The following COP1 variants were observed in gnomAD, a reference collection of about 807,000 sequenced individuals.
The protein encoded by COP1 is COP1 E3 ubiquitin ligase, also known as E3 ubiquitin-protein ligase COP1.
Under a neutral mutation model 101.3 loss-of-function variants are expected in COP1, and 24 were observed. That is an observed-to-expected ratio of 0.24 (90% CI 0.17 to 0.33). The LOEUF is 0.33. Among genes scored for constraint, COP1 ranks in the 10% least tolerant of loss-of-function variants. COP1 has a pLI of 1.00. For synonymous variants in COP1, 347 were observed against 341.9 expected (o/e 1.01, Z -0.17); for missense variants, 663 against 906.2 (o/e 0.73, Z 3.45).
intron 1 of COP1, among the ~76,000 whole-genome samples, chr1:176,196,953 G>A (rs1213214033): frequency 6.6e-6 from 1 of 151,012 alleles, no homozygotes; most frequent in Non-Finnish European, 1.5e-5. Context: ...AGGGAGGGAG[G>A]GAGGGAAAGA....
intron 11 of COP1, among the ~76,000 whole-genome samples, chr1:176,061,952 A>C (rs1378317907): frequency 1.3e-5 from 2 of 152,324 alleles, no homozygotes; most frequent in East Asian, 3.9e-4. Context: ...ACTTATATCC[A>C]TAATATAAAA....
chr1:176,145,710 T>C lies in COP1; in HGVS notation c.831+3296A>G, dbSNP rs561353759. 7.9e-5 allele frequency among the ~76,000 whole-genome samples: 12 copies of C among 152,212 alleles called. No individual in the cohort carries two copies. In the South Asian group the frequency reaches 2.5e-3, roughly 32 times the overall value. On this transcript the variant is annotated intron_variant, in intron 6 of 19. Coordinates refer to ENST00000367669, the MANE Select transcript of COP1 (RefSeq NM_022457.7). ...ACAACCATGTGGATGAATCTTAACATTCAGCCGAAGAAGATAGGAATAAAA... is the reference window on the plus strand; with the variant it reads ...ACAACCATGTGGATGAATCTTAACACTCAGCCGAAGAAGATAGGAATAAAA...
At chr1:176,048,128 C>T (rs560575754) in intron 11 of COP1, among the ~76,000 whole-genome samples, 10 of 151,900 alleles carry the variant, frequency 6.6e-5, no homozygotes, top group African/African-American at 1.4e-4. Flanking sequence ...CACATTGATA[C>T]GCCCACTTTT....
intron 15 of COP1, among the ~76,000 whole-genome samples, chr1:176,025,874 G>C (rs747884349): frequency 2.6e-5 from 4 of 151,412 alleles, no homozygotes; most frequent in Non-Finnish European, 5.9e-5. Context: ...GGGTGACCCT[G>C]TCTCATAAAA....
At chr1:175,996,796 T>C (rs1198178203) in intron 15 of COP1, among the ~76,000 whole-genome samples, 2 of 152,088 alleles carry the variant, frequency 1.3e-5, no homozygotes, top group African/African-American at 4.8e-5. Flanking sequence ...GTAGGAAGAA[T>C]CAATATCCTG....
At chr1:176,144,846 C>A (rs1455251014) in intron 6 of COP1, among the ~76,000 whole-genome samples, 1 of 152,088 alleles carries the variant, frequency 6.6e-6, no homozygotes, top group African/African-American at 2.4e-5. Flanking sequence ...CTATACCTCA[C>A]ATTATACACA....
intron 8 of COP1, among the ~76,000 whole-genome samples, chr1:176,130,652 C>T (rs1354936000): frequency 6.6e-6 from 1 of 151,736 alleles, no homozygotes; most frequent in Non-Finnish European, 1.5e-5. Flanking sequence ...AAGTATACTA[C>T]ATGTGATGCT....
At chr1:176,155,090 C>T (rs780298518) in intron 5 of COP1, among the ~76,000 whole-genome samples, 3 of 152,076 alleles carry the variant, frequency 2.0e-5, no homozygotes, top group Admixed American at 6.6e-5. Context: ...ACAGACAACA[C>T]TTTCACAGTA....
intron 15 of COP1, among the ~76,000 whole-genome samples, chr1:175,991,703 TA>T (rs1387644787): frequency 2.6e-5 from 4 of 152,218 alleles, no homozygotes; most frequent in Non-Finnish European, 5.9e-5. Flanking sequence ...CCTTATAAGT[TA>T]AAAAATTAAA....
At chr1:175,948,934 G>T (rs892599649) in intron 18 of COP1, among the ~76,000 whole-genome samples, 1 of 151,928 alleles carries the variant, frequency 6.6e-6, no homozygotes, top group Non-Finnish European at 1.5e-5. Flanking sequence ...GGAGGCAGAG[G>T]TGGGCAGATC....
intron 15 of COP1, among the ~76,000 whole-genome samples, chr1:175,992,578 C>A (rs1007210220): frequency 4.6e-5 from 7 of 152,210 alleles, no homozygotes; most frequent in African/African-American, 1.7e-4. Context: ...TAAAAAATGG[C>A]GGACCAGGAG....
At chr1:176,057,212 C>T (rs1202157767) in intron 11 of COP1, among the ~76,000 whole-genome samples, 3 of 152,064 alleles carry the variant, frequency 2.0e-5, no homozygotes, top group Middle Eastern at 3.2e-3. Flanking sequence ...TATGTAGCTC[C>T]GAAATGATTC....
intron 18 of COP1, among the ~76,000 whole-genome samples, chr1:175,961,281 C>G (rs556588159): frequency 1.3e-5 from 2 of 152,188 alleles, no homozygotes; most frequent in Admixed American, 6.5e-5. Context: ...AGAACCCTGA[C>G]TAAGACATAA....
At chr1:175,957,970 A>T (rs1650889485) in intron 18 of COP1, among the ~76,000 whole-genome samples, 1 of 152,126 alleles carries the variant, frequency 6.6e-6, no homozygotes, top group South Asian at 2.1e-4. Context: ...GAATAAGCAA[A>T]ACTTAACTTA....
At chr1:176,108,024 C>T (rs1213645344) in intron 9 of COP1, among the ~76,000 whole-genome samples, 1 of 72,120 alleles carries the variant, frequency 1.4e-5, no homozygotes, top group Non-Finnish European at 3.2e-5. Flanking sequence ...AGAATTGGTC[C>T]TGGACCAGAT....
chr1:176,043,300 A>G, intron 13 of COP1, 33 bp from the exon 14 acceptor site: 1 of 1,278,144 alleles, frequency 7.8e-7, no homozygotes, highest in Non-Finnish European at 1.1e-6. Flanking sequence ...AGCCTCAGAT[A>G]GAATACAGAT....
chr1:175,998,771 T>C (rs1254674811), intron 15 of COP1, among the ~76,000 whole-genome samples: 3 of 152,244 alleles, frequency 2.0e-5, no homozygotes, highest in Middle Eastern at 3.4e-3. Context: ...TACACATTTT[T>C]GGTGTATTCA....
intron 3 of COP1, among the ~76,000 whole-genome samples, chr1:176,170,526 T>C (rs1695878899): frequency 1.3e-5 from 2 of 152,208 alleles, no homozygotes; most frequent in South Asian, 2.1e-4. Context: ...AGTAGTATTT[T>C]GAAAGGAATC....
chr1:175,994,522 T>C (rs1422841512), intron 15 of COP1, among the ~76,000 whole-genome samples: 8 of 151,982 alleles, frequency 5.3e-5, no homozygotes, highest in African/African-American at 1.5e-4. Flanking sequence ...GAGACACACA[T>C]AGGCTCAAAA....
Sources: gnomAD v4.1 joint callset for allele counts (sites outside exome capture counted in the v4.1 genomes callset) on GRCh38, gnomAD v4.1.1 for gene constraint, MANE v1.5 for transcripts, NCBI Gene and HGNC (gene_info 2026-07-23, HGNC 2026-07-21) for gene names.